The following MYO5B variants were observed in gnomAD, a reference collection of about 807,000 sequenced individuals.
The protein encoded by MYO5B is myosin VB.
A neutral mutation model predicts 229.3 loss-of-function variants in MYO5B; 143 were observed. That is an observed-to-expected ratio of 0.62 (90% CI 0.54 to 0.72). The LOEUF (loss-of-function observed/expected upper bound fraction) is 0.72. Ranked by LOEUF, MYO5B falls within the 30% of genes least tolerant of loss-of-function variation. The pLI, the probability that MYO5B is intolerant of heterozygous loss-of-function variation, is 0.00. For synonymous variants in MYO5B, 918 were observed against 885.2 expected (o/e 1.04, Z -0.66); for missense variants, 2,321 against 2,331.0 (o/e 1.00, Z 0.09).
intron 1 of MYO5B, among the ~76,000 whole-genome samples, chr18:50,135,165 A>G (rs2032316567): frequency 6.6e-6 from 1 of 152,164 alleles, no homozygotes; most frequent in Non-Finnish European, 1.5e-5. Flanking sequence ...CCTGCCTCAT[A>G]TTCCTGAGAC....
At position 49,953,341 on chromosome 18, in the gene MYO5B, C is replaced by T; in HGVS notation, c.1671G>A (p.Val557=). The T allele has an allele frequency of 6.2e-7, 1 of 1,614,036 alleles. No individual in the cohort carries two copies. Among genetic ancestry groups the T allele is most frequent in the Non-Finnish European group, 8.5e-7 (1 of 1,179,894 alleles). The change falls in exon 14 of 40, where the codon GTG becomes GTA. Residue 557 remains valine (V), a splice_region_variant and synonymous_variant. Coordinates refer to ENST00000285039, the MANE Select transcript of MYO5B (RefSeq NM_001080467.3). The stretch of plus-strand genomic sequence containing the variant: ...CCAGAAAACCATCAGAGAGGTACTC[C>T]ACCTGGGGCCACAGCAACCAGAGAG... ...AFIIVHFADK[V]EYLSDGFLEK... is the part of the protein sequence containing the mutation.
intron 32 of MYO5B, among the ~76,000 whole-genome samples, chr18:49,848,588 C>T (rs1360864597): frequency 7.8e-6 from 1 of 127,570 alleles, no homozygotes; most frequent in Non-Finnish European, 1.7e-5. Flanking sequence ...AAAGGCCAGA[C>T]AGTGCTGTGA....
chr18:49,998,688 A>G (rs979490711), intron 5 of MYO5B, among the ~76,000 whole-genome samples: 1 of 152,244 alleles, frequency 6.6e-6, no homozygotes, highest in Non-Finnish European at 1.5e-5. Flanking sequence ...AATCATGAAA[A>G]GGAGCAAAAT....
intron 10 of MYO5B, among the ~76,000 whole-genome samples, chr18:49,963,517 GT>G (rs1393644459): frequency 2.6e-5 from 4 of 152,200 alleles, no homozygotes; most frequent in African/African-American, 9.6e-5. Flanking sequence ...CTGTCTCCCA[GT>G]CTCAAGGGAT....
At chr18:49,854,476 G>C (rs533783715) in intron 30 of MYO5B, among the ~76,000 whole-genome samples, 110 of 152,360 alleles carry the variant, frequency 7.2e-4, no homozygotes, top group African/African-American at 2.5e-3. Flanking sequence ...CAGGAAGTTA[G>C]ATGCTAATAT....
intron 17 of MYO5B, among the ~76,000 whole-genome samples, chr18:49,923,373 G>C (rs943827227): frequency 2.0e-5 from 3 of 152,178 alleles, no homozygotes; most frequent in African/African-American, 7.2e-5. Context: ...TGCAGGATGA[G>C]ATGTGGAAGA....
At chr18:50,147,786 C>T (rs1438841396) in intron 1 of MYO5B, among the ~76,000 whole-genome samples, 1 of 152,168 alleles carries the variant, frequency 6.6e-6, no homozygotes, top group East Asian at 1.9e-4. Context: ...ACTCCCTAAA[C>T]ACTAAATATT....
At chr18:50,179,722 C>T (rs1274941814) in intron 1 of MYO5B, among the ~76,000 whole-genome samples, 2 of 152,200 alleles carry the variant, frequency 1.3e-5, no homozygotes, top group African/African-American at 4.8e-5. Flanking sequence ...AAGGCTTCAG[C>T]ATTATTCTGG....
At chr18:50,189,006 C>T (rs554658048) in intron 1 of MYO5B, among the ~76,000 whole-genome samples, 85 of 152,146 alleles carry the variant, frequency 5.6e-4, no homozygotes, top group Admixed American at 1.7e-3. Context: ...AGAGGATCAA[C>T]GGAATTGGAA....
chr18:50,119,993 AT>A (rs1010213247), intron 1 of MYO5B, among the ~76,000 whole-genome samples: 14 of 147,130 alleles, frequency 9.5e-5, no homozygotes, highest in Non-Finnish European at 3.0e-5. Flanking sequence ...CTGGGAACAT[AT>A]TTAAAAAAAG....
In MYO5B at chr18:50,171,392, T is replaced by C. The variant is rs1285964361; in HGVS notation, c.27+23375A>G. On this transcript the variant is annotated intron_variant, in intron 1 of 39. Transcript: ENST00000285039. The stretch of plus-strand genomic sequence containing the variant: ...GGCTGAAGAAGTCAGGAAGGGCTTA[T>C]AGAGAAGCTGCAATTTGACCTTGGT... Among the ~76,000 whole-genome samples the C allele has an allele frequency of 3.1e-5, 4 of 127,134 alleles. 1 individual carries two copies. The highest frequency in any genetic ancestry group is 5.5e-4 in the South Asian group (2 of 3,664). 83.4% of individuals were successfully genotyped at this position (127,134 alleles called of 152,430 possible).
At chr18:50,021,718 TAA>T (rs34172106) in intron 4 of MYO5B, among the ~76,000 whole-genome samples, 3 of 119,558 alleles carry the variant, frequency 2.5e-5, no homozygotes, top group South Asian at 3.0e-4. Flanking sequence ...CCCATCTGCG[TAA>T]AAAAAAAAAA....
At chr18:49,829,103 A>G (rs1430262407) in intron 39 of MYO5B, among the ~76,000 whole-genome samples, 1 of 138,276 alleles carries the variant, frequency 7.2e-6, no homozygotes, top group African/African-American at 2.6e-5. Flanking sequence ...TTTTTTTAAG[A>G]TGGGGTCTTG....
rs1460205557 is a variant in MYO5B, at chr18:49,839,153, G to A, written c.4843C>T (p.Pro1615Ser). Reference sequence around the variant, plus strand: ...CCTGCTGCCAGCTTACCTATCATCGGCTGTAACACGCCCTCGGCAATTTTA... The same window carrying A: ...CCTGCTGCCAGCTTACCTATCATCGACTGTAACACGCCCTCGGCAATTTTA... ...LIKIAEGVLQ[P>S]MIVSAMLENE... The change falls in exon 36 of 40, where the codon CCG becomes TCG. Residue 1615 changes from proline to serine, a missense_variant. By Grantham distance (74) the Pro-to-Ser change is moderately conservative. Around this residue, in one of 2 missense-constraint regions of MYO5B, gnomAD observed 2,113 missense variants for 2,044.7 expected, o/e 1.03. Transcript: ENST00000285039. The A allele has an allele frequency of 1.2e-6, 2 of 1,613,428 alleles. No individual in the cohort carries two copies. Among genetic ancestry groups the A allele is most frequent in the South Asian group, 2.2e-5 (2 of 91,046 alleles).
At position 49,912,191 on chromosome 18, in the gene MYO5B, G is replaced by A. The variant is rs557761357; in HGVS notation, c.2091-18C>T. 1 of 1,598,394 alleles carries A rather than the reference G, an allele frequency of 6.3e-7. No individual in the cohort carries two copies. The highest frequency in any genetic ancestry group is 8.6e-7 in the Non-Finnish European group (1 of 1,166,300). On this transcript the variant is annotated intron_variant, in intron 17 of 39. Transcript: ENST00000285039. ...AGGCCCACCTGGAGGGAAAGCAAAG[G>A]GGCATCAGGTGACACATCCTGCCTC...
At chr18:49,986,073 C>T (rs143395416) in intron 7 of MYO5B, among the ~76,000 whole-genome samples, 104 of 152,370 alleles carry the variant, frequency 6.8e-4, no homozygotes, top group East Asian at 7.7e-4. Context: ...GGTCCCACTG[C>T]TCACAAAGCC....
intron 1 of MYO5B, among the ~76,000 whole-genome samples, chr18:50,133,127 A>G (rs2032279705): frequency 6.6e-6 from 1 of 152,244 alleles, no homozygotes; most frequent in South Asian, 2.1e-4. Flanking sequence ...AAAAGCAAAA[A>G]TATCAATGAG....
chr18:50,176,945 CTA>C (rs2033005623), intron 1 of MYO5B, among the ~76,000 whole-genome samples: 1 of 152,170 alleles, frequency 6.6e-6, no homozygotes, highest in African/African-American at 2.4e-5. Context: ...TCGTCTTAAA[CTA>C]TGTTAGCCTG....
chr18:50,162,893 G>A lies in MYO5B; in HGVS notation c.27+31874C>T, dbSNP rs142596026. On this transcript the variant is annotated intron_variant, in intron 1 of 39. Coordinates refer to ENST00000285039, the MANE Select transcript of MYO5B (RefSeq NM_001080467.3). ...CCGTCCATTCCAGCCCTGTCACAGCGGCATCTCCCTCCCACATTCCAAGCT... is the reference window on the plus strand; with the variant it reads ...CCGTCCATTCCAGCCCTGTCACAGCAGCATCTCCCTCCCACATTCCAAGCT... 2.3e-3 allele frequency among the ~76,000 whole-genome samples: 353 copies of A among 152,256 alleles called. 1 individual carries two copies. Among genetic ancestry groups the A allele is most frequent in the Non-Finnish European group, 3.6e-3 (243 of 68,014 alleles).
Sources: gnomAD v4.1 joint callset for allele counts (sites outside exome capture counted in the v4.1 genomes callset) on GRCh38, gnomAD v4.1.1 for gene constraint, gnomAD v4.1.1 regional missense constraint, MANE v1.5 for transcripts, NCBI Gene and HGNC (gene_info 2026-07-23, HGNC 2026-07-21) for gene names.